Variants in KCTD1 observed in about 807,000 individuals in gnomAD.
KCTD1 encodes the protein potassium channel tetramerization domain containing 1, also known as BTB/POZ domain-containing protein KCTD1.
Under a neutral mutation model 66.0 loss-of-function variants are expected in KCTD1, and 24 were observed. The ratio of observed to expected loss-of-function variants is 0.36; its 90% CI spans 0.26 to 0.51. The LOEUF is 0.51. Ranked by LOEUF, KCTD1 falls within the 20% of genes least tolerant of loss-of-function variation. The pLI is 0.95. For missense variants in KCTD1, 943 were observed against 1,205.2 expected (o/e 0.78, Z 3.22); for synonymous variants, 511 against 517.2 (o/e 0.99, Z 0.16).
intron 2 of KCTD1, among the ~76,000 whole-genome samples, chr18:26,479,064 C>T (rs889885076): frequency 2.0e-5 from 3 of 152,186 alleles, no homozygotes; most frequent in African/African-American, 7.2e-5. Flanking sequence ...AAAAAACAAC[C>T]TCGGGTGTGG....
At chr18:26,552,241 T>A (rs943405089), upstream of KCTD1, among the ~76,000 whole-genome samples, 1 of 152,246 alleles carries the variant, frequency 6.6e-6, no homozygotes, top group Non-Finnish European at 1.5e-5. Context: ...CAGGCTCACA[T>A]TTTATGAAAG....
At chr18:26,557,450 T>C (rs1195168804) in intron 1 of KCTD1, among the ~76,000 whole-genome samples, 1 of 152,186 alleles carries the variant, frequency 6.6e-6, no homozygotes, top group African/African-American at 2.4e-5. Context: ...AATTGTTAGT[T>C]TTTAGATTTA....
intron 1 of KCTD1, among the ~76,000 whole-genome samples, chr18:26,588,430 C>A (rs1342285748): frequency 6.6e-6 from 1 of 152,158 alleles, no homozygotes; most frequent in African/African-American, 2.4e-5. Flanking sequence ...ACAGTGAGAA[C>A]TTCTGGAATA....
chr18:26,615,236 T>C (rs2145002154), intron 1 of KCTD1, among the ~76,000 whole-genome samples: 1 of 152,266 alleles, frequency 6.6e-6, no homozygotes, highest in East Asian at 1.9e-4. Flanking sequence ...ACTGAATGAC[T>C]GGTTCTGTGG....
chr18:26,486,687 T>C (rs765686375), intron 2 of KCTD1, among the ~76,000 whole-genome samples: 36 of 152,150 alleles, frequency 2.4e-4, no homozygotes, highest in Non-Finnish European at 4.1e-4. Flanking sequence ...TGGCCCCGTC[T>C]CTCCCTATTT....
intron 1 of KCTD1, among the ~76,000 whole-genome samples, chr18:26,604,843 G>A (rs1459680212): frequency 1.3e-5 from 2 of 152,060 alleles, no homozygotes; most frequent in East Asian, 1.9e-4. Context: ...CCTGTGAAAT[G>A]AGTTTATCTA....
At chr18:26,590,071 G>GTTATT (rs991365447) in intron 1 of KCTD1, among the ~76,000 whole-genome samples, 5 of 152,076 alleles carry the variant, frequency 3.3e-5, no homozygotes, top group African/African-American at 9.7e-5. Flanking sequence ...AAGTGAATGC[G>GTTATT]TTATTTTATT....
In KCTD1 at chr18:26,547,162, C is replaced by T. The variant is rs1362733812; in HGVS notation, c.1375G>A (p.Ala459Thr). Residue 459 changes from alanine to threonine, a missense_variant, in exon 1 of 5, where the codon GCC becomes ACC. Around this residue, in one of 10 missense-constraint regions of KCTD1, gnomAD observed 79 missense variants for 133.9 expected, o/e 0.59. Transcript: ENST00000580059. ...TNHCIGAVSI[A>T]TLNSIAGIGT... Reference sequence around the variant, plus strand: ...ATGCCCGCGATGCTGTTGAGCGTGGCGATGGAGACGGCGCCGATGCAGTGG... The same window carrying T: ...ATGCCCGCGATGCTGTTGAGCGTGGTGATGGAGACGGCGCCGATGCAGTGG... The T allele has an allele frequency of 3.9e-6, 6 of 1,551,070 alleles. No homozygotes were observed. The highest frequency in any genetic ancestry group is 2.4e-5 in the South Asian group (2 of 84,062).
chr18:26,510,920 A>G lies in KCTD1; in HGVS notation c.1810-9670T>C, dbSNP rs1162139088. ...CATTTTTGCAAATGTGTGTAGGTACAATAAAAAATTCTAGCATTAAATGCA... is the reference window on the plus strand; with the variant it reads ...CATTTTTGCAAATGTGTGTAGGTACGATAAAAAATTCTAGCATTAAATGCA... On this transcript the variant is annotated intron_variant, in intron 1 of 4. Transcript: ENST00000580059. 3.9e-5 allele frequency among the ~76,000 whole-genome samples: 6 copies of G among 152,348 alleles called. No individual in the cohort carries two copies. The South Asian group carries it at 6.2e-4, about 16-fold the overall frequency.
At chr18:26,551,420 T>G (rs982610091), upstream of KCTD1, among the ~76,000 whole-genome samples, 8 of 152,120 alleles carry the variant, frequency 5.3e-5, no homozygotes, top group African/African-American at 1.9e-4. Context: ...GGACCCGCGC[T>G]TAAATTCGAT....
At chr18:26,514,701 G>A (rs944895875) in intron 1 of KCTD1, among the ~76,000 whole-genome samples, 2 of 152,206 alleles carry the variant, frequency 1.3e-5, no homozygotes, top group Admixed American at 6.5e-5. Context: ...GGACCTAGGT[G>A]ACATCTGGCA....
rs537733215 is a variant in KCTD1, at chr18:26,594,126, C to T, written c.-16+35021G>A. On this transcript the variant is annotated intron_variant, in intron 1 of 4. Transcript: ENST00000317932. ...AAGGAGCTGGGCTTGGACAGCTCCTCTTCTGCTCTCCAGGCATTTCTCTGT... is the reference window on the plus strand; with the variant it reads ...AAGGAGCTGGGCTTGGACAGCTCCTTTTCTGCTCTCCAGGCATTTCTCTGT... Among the ~76,000 whole-genome samples the T allele has an allele frequency of 2.0e-4, 30 of 152,360 alleles. 1 individual carries two copies. The highest frequency in any genetic ancestry group is 3.4e-4 in the Non-Finnish European group (23 of 68,036).
chr18:26,616,460 T>C (rs1020584502), intron 1 of KCTD1, among the ~76,000 whole-genome samples: 2 of 57,092 alleles, frequency 3.5e-5, no homozygotes, highest in African/African-American at 1.2e-4. Context: ...ATCCCTTACA[T>C]ACATATATAT....
chr18:26,591,678 A>G (rs1471546214), intron 1 of KCTD1: 4 of 152,258 alleles, frequency 2.6e-5, no homozygotes, highest in Non-Finnish European at 5.9e-5. Flanking sequence ...TACACAGAGT[A>G]AGCTGTACAA....
At chr18:26,487,953 T>G (rs1009406623) in intron 2 of KCTD1, among the ~76,000 whole-genome samples, 18 of 152,362 alleles carry the variant, frequency 1.2e-4, no homozygotes, top group South Asian at 2.1e-4. Flanking sequence ...TTGAAAAGTT[T>G]TAGTAGTAGT....
In KCTD1 at chr18:26,546,820, G is replaced by C; in HGVS notation, c.1717C>G (p.His573Asp). The change falls in exon 1 of 5, where the codon CAC becomes GAC. Residue 573 changes from histidine (H) to aspartate (D), a missense_variant. Physicochemically the swap from His to Asp is moderately conservative, Grantham distance 81. Coordinates refer to ENST00000580059, the MANE Select transcript of KCTD1 (RefSeq NM_001142730.3). ...TCTGGAAGAAGAGGCAGGGGGTCGT[G>C]TTTCACGGAAACCACCACCACCGCA... ...VDAVVVVSVK[H>D]DPLPLLPEAN... 2.0e-6 allele frequency: 3 copies of C among 1,538,228 alleles called. No homozygotes were observed. The highest frequency in any genetic ancestry group is 2.6e-6 in the Non-Finnish European group (3 of 1,141,918).
upstream of KCTD1, among the ~76,000 whole-genome samples, chr18:26,551,171 T>C (rs1190348393): frequency 2.0e-5 from 3 of 152,140 alleles, no homozygotes; most frequent in Non-Finnish European, 4.4e-5. Context: ...GGTTGGACGC[T>C]CCGGGAAACA....
intron 2 of KCTD1, among the ~76,000 whole-genome samples, chr18:26,486,974 C>T (rs1007105544): frequency 6.6e-6 from 1 of 152,142 alleles, no homozygotes; most frequent in Non-Finnish European, 1.5e-5. Context: ...AGAAAATAGA[C>T]GTAATTTACT....
Position 26,504,665 on chromosome 18 carries a change from A to G in KCTD1, c.1810-3415T>C, listed in dbSNP as rs190327009. 6.0e-4 allele frequency among the ~76,000 whole-genome samples: 92 copies of G among 152,172 alleles called. 1 individual carries two copies. Among genetic ancestry groups the G allele is most frequent in the Middle Eastern group, 6.8e-3 (2 of 294 alleles). ...TGGGATTACAGGTGTGAGCCACTGTACCTGATATATAAGAACTTTTAAAAT... is the reference window on the plus strand; with the variant it reads ...TGGGATTACAGGTGTGAGCCACTGTGCCTGATATATAAGAACTTTTAAAAT... On this transcript the variant is annotated intron_variant, in intron 1 of 4. Transcript: ENST00000580059.
Sources: allele counts gnomAD v4.1 joint callset (sites outside exome capture counted in the v4.1 genomes callset), GRCh38; gene constraint gnomAD v4.1.1; regional missense constraint gnomAD v4.1.1; transcripts MANE v1.5; gene names NCBI Gene and HGNC (gene_info 2026-07-23, HGNC 2026-07-21).